The following KCNN2 variants were observed in gnomAD, a reference collection of about 807,000 sequenced individuals.
KCNN2 encodes small conductance calcium-activated potassium channel protein 2.
Under a neutral mutation model 55.5 loss-of-function variants are expected in KCNN2, and 24 were observed. The observed-to-expected ratio is 0.43, with a 90% CI of 0.31 to 0.61. The LOEUF (loss-of-function observed/expected upper bound fraction) is 0.61, where lower values mean the gene tolerates loss of function less well. KCNN2 is among the 20% of genes least tolerant of loss of function. The probability of loss-of-function intolerance (pLI) is 0.08; values close to 1 mark genes in which losing one functional copy is unlikely to be tolerated. For missense variants in KCNN2, 754 were observed against 853.6 expected (o/e 0.88, Z 1.45); for synonymous variants, 431 against 336.1 (o/e 1.28, Z -3.09).
intron 2 of KCNN2, among the ~76,000 whole-genome samples, chr5:114,322,858 T>C (rs193005737): frequency 1.2e-3 from 181 of 152,340 alleles, no homozygotes; most frequent in African/African-American, 4.1e-3. Flanking sequence ...GTGTGTTACA[T>C]AGGTAAACTC....
At chr5:114,394,784 A>T (rs2150065544) in intron 2 of KCNN2, among the ~76,000 whole-genome samples, 1 of 152,198 alleles carries the variant, frequency 6.6e-6, no homozygotes, top group South Asian at 2.1e-4. Context: ...TTATTATGAA[A>T]TTCTCAGTAT....
chr5:114,162,439 C>G (rs1313550050), intron 1 of KCNN2, among the ~76,000 whole-genome samples: 1 of 152,184 alleles, frequency 6.6e-6, no homozygotes, highest in Non-Finnish European at 1.5e-5. Flanking sequence ...AGTTAGGCTA[C>G]TCAGGGGTCA....
At chr5:114,466,230 A>G (rs951498416) in intron 4 of KCNN2, among the ~76,000 whole-genome samples, 13 of 152,102 alleles carry the variant, frequency 8.5e-5, no homozygotes, top group Admixed American at 8.5e-4. Context: ...TTATTCTTCT[A>G]CCCTTCTGCT....
chr5:114,386,129 C>A (rs1295212288), intron 2 of KCNN2, among the ~76,000 whole-genome samples: 1 of 149,976 alleles, frequency 6.7e-6, no homozygotes, highest in East Asian at 2.0e-4. Context: ...TTGCGGTGAG[C>A]CGAGGTCGTG....
intron 2 of KCNN2, among the ~76,000 whole-genome samples, chr5:114,224,392 A>G (rs1056752202): frequency 2.0e-5 from 3 of 152,212 alleles, no homozygotes; most frequent in Admixed American, 1.3e-4. Context: ...TGTGAAAAGA[A>G]AGTAGTTGAA....
chr5:114,114,893 G>T (rs973976538), intron 1 of KCNN2, among the ~76,000 whole-genome samples: 1 of 152,074 alleles, frequency 6.6e-6, no homozygotes, highest in Non-Finnish European at 1.5e-5. Flanking sequence ...TAACAGCTTC[G>T]CCTAGACTAT....
At chr5:114,453,544 G>T (rs1336300330) in intron 3 of KCNN2, among the ~76,000 whole-genome samples, 2 of 152,110 alleles carry the variant, frequency 1.3e-5, no homozygotes, top group Non-Finnish European at 2.9e-5. Context: ...AGATAGATGT[G>T]TGCCTTCCAG....
chr5:114,122,198 G>A (rs1751842064), intron 1 of KCNN2, among the ~76,000 whole-genome samples: 1 of 152,154 alleles, frequency 6.6e-6, no homozygotes, highest in African/African-American at 2.4e-5. Context: ...GAACTGAAGA[G>A]GCAAGCAGGC....
rs189610277 is a variant in KCNN2 at position 114,177,509 on chromosome 5, A to T, written c.-270-43971A>T. ...GTATTCTATATATCCATATATATAT[A>T]TATTTTTTCCATTAGCCTTGGGGGA... On this transcript the variant is annotated intron_variant, in intron 1 of 10. Coordinates refer to the KCNN2 transcript ENST00000512097. Among the ~76,000 whole-genome samples the T allele has an allele frequency of 1.2e-3, 176 of 151,670 alleles. 1 individual carries two copies. In the Middle Eastern group the frequency reaches 0.014, roughly 12 times the overall value.
At chr5:114,311,856 C>G (rs771989442) in intron 2 of KCNN2, among the ~76,000 whole-genome samples, 2 of 152,114 alleles carry the variant, frequency 1.3e-5, no homozygotes, top group Non-Finnish European at 2.9e-5. Flanking sequence ...AGCCTCAGTT[C>G]CTCATCTATA....
intron 5 of KCNN2, among the ~76,000 whole-genome samples, chr5:114,483,248 A>G (rs2150133938): frequency 6.7e-6 from 1 of 150,254 alleles, no homozygotes; most frequent in East Asian, 2.0e-4. Context: ...ACTAACAATA[A>G]TGTAGTAGTA....
chr5:114,312,422 CACACACACACACAT>C (rs1561566442), intron 2 of KCNN2, among the ~76,000 whole-genome samples: 10 of 49,978 alleles, frequency 2.0e-4, no homozygotes, highest in South Asian at 9.1e-4. Flanking sequence ...CACACACACA[CACACACACACACAT>C]ATATATATAT....
chr5:114,426,457 T>C (rs1288944963), intron 3 of KCNN2, among the ~76,000 whole-genome samples: 1 of 152,216 alleles, frequency 6.6e-6, no homozygotes, highest in African/African-American at 2.4e-5. Context: ...TCTATAGTTT[T>C]TTTCTGATGA....
intron 1 of KCNN2, chr5:114,056,570 G>T: frequency 2.5e-6 from 1 of 396,118 alleles, no homozygotes; most frequent in Non-Finnish European, 4.4e-6. Flanking sequence ...CCCTAGGGAG[G>T]ATACTAAAGT....
intron 1 of KCNN2, among the ~76,000 whole-genome samples, chr5:114,114,868 AC>A (rs1210860937): frequency 6.6e-6 from 1 of 152,180 alleles, no homozygotes; most frequent in African/African-American, 2.4e-5. Flanking sequence ...AATATTTCAC[AC>A]AGCAATACAG....
intron 1 of KCNN2, among the ~76,000 whole-genome samples, chr5:114,110,214 A>C (rs2112581734): frequency 2.0e-5 from 3 of 152,232 alleles, no homozygotes; most frequent in Middle Eastern, 6.8e-3. Context: ...GTATCAGCAC[A>C]AGACAGATTA....
At chr5:114,463,800 G>T (rs1027658905) in intron 4 of KCNN2, among the ~76,000 whole-genome samples, 1 of 152,194 alleles carries the variant, frequency 6.6e-6, no homozygotes, top group African/African-American at 2.4e-5. Flanking sequence ...GGGCCTGGGG[G>T]AGAGGGATGG....
chr5:114,139,050 C>T (rs1752223671), intron 1 of KCNN2, among the ~76,000 whole-genome samples: 1 of 152,038 alleles, frequency 6.6e-6, no homozygotes, highest in South Asian at 2.1e-4. Context: ...ATATGCTTTT[C>T]TTGAGTAATT....
chr5:114,462,286 C>T (rs375142509), intron 3 of KCNN2, among the ~76,000 whole-genome samples: 9 of 152,288 alleles, frequency 5.9e-5, no homozygotes, highest in Admixed American at 4.6e-4. Flanking sequence ...TTCTTCCTTA[C>T]CAGTAAAATT....
Sources: allele counts gnomAD v4.1 joint callset (sites outside exome capture counted in the v4.1 genomes callset), GRCh38; gene constraint gnomAD v4.1.1; transcripts MANE v1.5; gene names NCBI Gene and HGNC (gene_info 2026-07-23, HGNC 2026-07-21).